The following PDE4D variants were observed in gnomAD, a reference collection of about 807,000 sequenced individuals.
PDE4D encodes phosphodiesterase 4D.
Under a neutral mutation model 87.4 loss-of-function variants are expected in PDE4D, and 24 were observed. The ratio of observed to expected loss-of-function variants is 0.27; its 90% CI spans 0.20 to 0.39. PDE4D has a LOEUF of 0.39. Ranked by LOEUF, PDE4D falls within the 10% of genes least tolerant of loss-of-function variation. The probability of loss-of-function intolerance (pLI) is 1.00; values close to 1 mark genes in which losing one functional copy is unlikely to be tolerated. For missense variants in PDE4D, 714 were observed against 1,041.0 expected, an observed-to-expected ratio of 0.69 and a Z score of 4.32; for synonymous variants, 384 against 383.2, an observed-to-expected ratio of 1.00 and a Z score of -0.02.
At chr5:60,486,085 C>T (rs1319817301) in intron 1 of PDE4D, among the ~76,000 whole-genome samples, 2 of 152,144 alleles carry the variant, frequency 1.3e-5, no homozygotes, top group African/African-American at 4.8e-5. Flanking sequence ...ACCAAGTGGG[C>T]CACATGGACC....
At chr5:59,722,666 T>C (rs1447222782) in intron 1 of PDE4D, among the ~76,000 whole-genome samples, 1 of 152,120 alleles carries the variant, frequency 6.6e-6, no homozygotes, top group Non-Finnish European at 1.5e-5. Flanking sequence ...CTTGTTGGGG[T>C]TTATTAATTA....
chr5:59,888,850 T>A (rs1750534939), intron 1 of PDE4D, among the ~76,000 whole-genome samples: 1 of 152,082 alleles, frequency 6.6e-6, no homozygotes, highest in South Asian at 2.1e-4. Context: ...TAACCTAGCA[T>A]AGAAAAATGA....
chr5:60,416,332 C>T (rs1318719411), intron 1 of PDE4D, among the ~76,000 whole-genome samples: 1 of 151,448 alleles, frequency 6.6e-6, no homozygotes, highest in Non-Finnish European at 1.5e-5. Flanking sequence ...GCTGGGGTCC[C>T]CTTCCACACT....
At chr5:60,070,193 T>G (rs974753413) in intron 2 of PDE4D, among the ~76,000 whole-genome samples, 1 of 152,244 alleles carries the variant, frequency 6.6e-6, no homozygotes, top group Admixed American at 6.6e-5. Flanking sequence ...ACCCAATTGC[T>G]CTAGATAGGG....
chr5:60,035,341 T>C (rs943606683), intron 2 of PDE4D, among the ~76,000 whole-genome samples: 7 of 152,128 alleles, frequency 4.6e-5, no homozygotes, highest in Non-Finnish European at 8.8e-5. Flanking sequence ...CTCTGCCAGG[T>C]ATTTTGCATT....
chr5:60,093,823 T>C (rs1202001750), intron 2 of PDE4D, among the ~76,000 whole-genome samples: 2 of 152,202 alleles, frequency 1.3e-5, no homozygotes, highest in African/African-American at 4.8e-5. Flanking sequence ...TAAGTAAAAC[T>C]ACATATGTAG....
chr5:59,743,478 A>C (rs962077015), intron 1 of PDE4D, among the ~76,000 whole-genome samples: 1 of 152,166 alleles, frequency 6.6e-6, no homozygotes, highest in Non-Finnish European at 1.5e-5. Context: ...TCAAAACCTC[A>C]ATAAGATATA....
At chr5:59,640,038 T>G (rs558409280) in intron 1 of PDE4D, among the ~76,000 whole-genome samples, 2 of 151,944 alleles carry the variant, frequency 1.3e-5, no homozygotes, top group East Asian at 3.9e-4. Flanking sequence ...CTAGAGCAAA[T>G]ATGGAAAAAG....
chr5:59,690,699 A>C (rs1469898908), intron 1 of PDE4D, among the ~76,000 whole-genome samples: 5 of 152,248 alleles, frequency 3.3e-5, no homozygotes, highest in Non-Finnish European at 7.3e-5. Context: ...CAATGGCAAC[A>C]AAAGCCAAAA....
chr5:59,537,747 A>G (rs1338507643), intron 1 of PDE4D, among the ~76,000 whole-genome samples: 1 of 152,254 alleles, frequency 6.6e-6, no homozygotes, highest in African/African-American at 2.4e-5. Context: ...GAAAACTTCT[A>G]ACATTCCAAT....
chr5:59,844,261 G>T (rs1743496037), intron 1 of PDE4D, among the ~76,000 whole-genome samples: 2 of 151,964 alleles, frequency 1.3e-5, no homozygotes, highest in Non-Finnish European at 2.9e-5. Flanking sequence ...TAAGAAAAGG[G>T]ACAAAGAATC....
At position 60,465,595 on chromosome 5, in the gene PDE4D, G is replaced by A. The variant is rs115863306; in HGVS notation, c.-90+22347C>T. Among the ~76,000 whole-genome samples the A allele has an allele frequency of 3.7e-3, 559 of 152,164 alleles. 2 individuals carry two copies. The highest frequency in any genetic ancestry group is 0.013 in the African/African-American group (537 of 41,532). On this transcript the variant is annotated intron_variant, in intron 1 of 16. Transcript: ENST00000502484. Reference sequence around the variant, plus strand: ...TTTTAAAAAAAGAGTGGGAAATATTGAAGTTACTTACCAATGGAAGCTATC... The same window carrying A: ...TTTTAAAAAAAGAGTGGGAAATATTAAAGTTACTTACCAATGGAAGCTATC...
At chr5:60,432,215 T>C (rs1744398144) in intron 1 of PDE4D, among the ~76,000 whole-genome samples, 1 of 152,236 alleles carries the variant, frequency 6.6e-6, no homozygotes, top group Non-Finnish European at 1.5e-5. Context: ...TCTGAAGTTT[T>C]TACGTTGTTG....
intron 1 of PDE4D, among the ~76,000 whole-genome samples, chr5:59,606,557 G>C (rs973727606): frequency 6.6e-6 from 1 of 152,020 alleles, no homozygotes; most frequent in Non-Finnish European, 1.5e-5. Context: ...AGCTGTGCTT[G>C]GACACCAAAA....
At chr5:60,096,392 C>T (rs2149321472) in intron 2 of PDE4D, among the ~76,000 whole-genome samples, 1 of 152,110 alleles carries the variant, frequency 6.6e-6, no homozygotes, top group East Asian at 1.9e-4. Context: ...CTTCCTTATA[C>T]CTTATACATA....
intron 1 of PDE4D, among the ~76,000 whole-genome samples, chr5:59,341,986 C>T (rs919891890): frequency 6.6e-6 from 1 of 152,056 alleles, no homozygotes; most frequent in East Asian, 1.9e-4. Flanking sequence ...CGCAGAGGCA[C>T]CTGAAACAGA....
intron 1 of PDE4D, among the ~76,000 whole-genome samples, chr5:59,754,797 A>ATT (rs754869518): frequency 0.14 from 13,562 of 96,528 alleles, 3,381 homozygotes; most frequent in Middle Eastern, 0.27. Context: ...TCCACAGAAC[A>ATT]TTTTTTTTTT....
intron 1 of PDE4D, among the ~76,000 whole-genome samples, chr5:59,382,997 A>T (rs1428513788): frequency 2.6e-5 from 4 of 152,232 alleles, no homozygotes; most frequent in African/African-American, 9.6e-5. Flanking sequence ...ATAAATGCTT[A>T]GTGCGGTATC....
At chr5:60,234,848 A>C (rs1244638211) in intron 1 of PDE4D, among the ~76,000 whole-genome samples, 2 of 151,866 alleles carry the variant, frequency 1.3e-5, no homozygotes, top group Non-Finnish European at 2.9e-5. Context: ...TGAAGTTTGT[A>C]ATCCTTTATT....
Sources: allele counts gnomAD v4.1 joint callset (sites outside exome capture counted in the v4.1 genomes callset), GRCh38; gene constraint gnomAD v4.1.1; transcripts MANE v1.5; gene names NCBI Gene and HGNC (gene_info 2026-07-23, HGNC 2026-07-21).